The following PCCA variants were observed in gnomAD, a reference collection of about 807,000 sequenced individuals.
PCCA encodes the protein propionyl-CoA carboxylase subunit alpha.
PCCA carries 74 observed loss-of-function variants against 101.3 expected under a neutral mutation model. That is an observed-to-expected ratio of 0.73 (90% CI 0.61 to 0.89). The LOEUF (loss-of-function observed/expected upper bound fraction) is 0.89. PCCA is among the 40% of genes least tolerant of loss of function. The pLI is 0.00. For synonymous variants in PCCA, 294 were observed against 313.6 expected, an observed-to-expected ratio of 0.94 and a Z score of 0.66; for missense variants, 891 against 907.0, an observed-to-expected ratio of 0.98 and a Z score of 0.23.
intron 7 of PCCA, among the ~76,000 whole-genome samples, chr13:100,212,366 TA>T (rs2059268284): frequency 2.6e-5 from 4 of 152,236 alleles, no homozygotes; most frequent in Non-Finnish European, 5.9e-5. Context: ...GGACACATAG[TA>T]GACTATGTGA....
intron 6 of PCCA, among the ~76,000 whole-genome samples, chr13:100,191,985 A>G (rs1216514242): frequency 1.3e-5 from 2 of 152,208 alleles, no homozygotes; most frequent in Non-Finnish European, 2.9e-5. Flanking sequence ...TGAGAAAGAC[A>G]AATCTCAGGT....
At chr13:100,184,567 C>T (rs1187022796) in intron 6 of PCCA, among the ~76,000 whole-genome samples, 2 of 152,084 alleles carry the variant, frequency 1.3e-5, no homozygotes, top group African/African-American at 2.4e-5. Context: ...TGTAAAGGGC[C>T]AGATAATAAG....
intron 4 of PCCA, among the ~76,000 whole-genome samples, chr13:100,129,044 T>A (rs914157469): frequency 7.9e-5 from 12 of 152,196 alleles, no homozygotes; most frequent in Non-Finnish European, 1.5e-5. Flanking sequence ...TACCACTACC[T>A]CAAACCCAGC....
chr13:100,521,807 G>A (rs941666746), intron 22 of PCCA, among the ~76,000 whole-genome samples: 2 of 152,174 alleles, frequency 1.3e-5, no homozygotes, highest in Non-Finnish European at 1.5e-5. Flanking sequence ...CTTTTGTGGC[G>A]TAGACACCAG....
At chr13:100,134,338 T>C (rs532329236) in intron 4 of PCCA, among the ~76,000 whole-genome samples, 7 of 152,302 alleles carry the variant, frequency 4.6e-5, no homozygotes, top group Non-Finnish European at 4.4e-5. Context: ...TCTCCCCCCA[T>C]TTTTCCAAAA....
chr13:100,209,407 T>A lies in PCCA; in HGVS notation c.544T>A (p.Leu182Ile), dbSNP rs748307570. ...CATGGGCGACAAGATTGAAAGCAAA[T>A]TATTAGCTAAGAAAGCAGAGGTTAA... ...QAMGDKIESK[L>I]LAKKAEVNTI... Residue 182 changes from leucine (L) to isoleucine (I), a missense_variant, in exon 7 of 24, where the codon TTA becomes ATA. Coordinates refer to ENST00000376285, the MANE Select transcript of PCCA (RefSeq NM_000282.4). 3 of 1,613,342 alleles carry A rather than the reference T, an allele frequency of 1.9e-6. No individual in the cohort carries two copies. The highest frequency in any genetic ancestry group is 2.5e-6 in the Non-Finnish European group (3 of 1,179,350).
chr13:100,271,180 G>A (rs746764924), intron 11 of PCCA, among the ~76,000 whole-genome samples: 1 of 152,134 alleles, frequency 6.6e-6, no homozygotes, highest in Non-Finnish European at 1.5e-5. Context: ...AGATTCTCCA[G>A]ATGTTATGCT....
At chr13:100,147,840 G>A (rs1566577399) in intron 4 of PCCA, among the ~76,000 whole-genome samples, 3 of 152,056 alleles carry the variant, frequency 2.0e-5, no homozygotes, top group South Asian at 4.1e-4. Flanking sequence ...TGGCTTGTCC[G>A]TAATTGGCTG....
intron 19 of PCCA, among the ~76,000 whole-genome samples, chr13:100,417,943 C>T (rs931591058): frequency 1.3e-5 from 2 of 152,128 alleles, no homozygotes; most frequent in African/African-American, 4.8e-5. Context: ...ATCACATCAT[C>T]AGTCTTCACT....
At chr13:100,449,164 T>C (rs2081046119) in intron 20 of PCCA, 88 bp from the exon 21 acceptor site, 1 of 728,028 alleles carries the variant, frequency 1.4e-6, no homozygotes, top group Admixed American at 2.4e-5. Flanking sequence ...CATCAGTTGA[T>C]GGACATTTGG....
chr13:100,317,286 G>A (rs1248694532), intron 16 of PCCA, among the ~76,000 whole-genome samples: 1 of 151,926 alleles, frequency 6.6e-6, no homozygotes, highest in Non-Finnish European at 1.5e-5. Context: ...TGTAATATAT[G>A]AGCGATTTGC....
chr13:100,347,484 A>G (rs1033422055), intron 18 of PCCA, among the ~76,000 whole-genome samples: 4 of 152,294 alleles, frequency 2.6e-5, no homozygotes, highest in Admixed American at 6.5e-5. Flanking sequence ...TAATATTCCA[A>G]TGAATGCTTT....
At chr13:100,276,574 A>G (rs1010374310) in intron 12 of PCCA, among the ~76,000 whole-genome samples, 1 of 152,054 alleles carries the variant, frequency 6.6e-6, no homozygotes. Context: ...AGACCTCCTT[A>G]ATATATCTCT....
rs532324751 is a variant in PCCA at position 100,499,902 on chromosome 13, T to C, written c.1900-15525T>C. Among the ~76,000 whole-genome samples the C allele has an allele frequency of 8.4e-4, 119 of 141,732 alleles. 1 individual carries two copies. The South Asian group carries it at 0.03, about 36-fold the overall frequency. 93.0% of individuals were successfully genotyped at this position (141,732 alleles called of 152,430 possible). A position where few individuals can be genotyped will look rare whatever the true frequency, so the allele number is the denominator to read the frequency against. ...TTTTTTTGGAGGTGCTAGCATTTTA[T>C]TGGCCACAGTTTTGAAGGAAAATAC... On this transcript the variant is annotated intron_variant, in intron 21 of 23. Transcript: ENST00000376285.
At chr13:100,323,003 G>C (rs1049088628) in intron 16 of PCCA, among the ~76,000 whole-genome samples, 2 of 152,210 alleles carry the variant, frequency 1.3e-5, no homozygotes, top group Non-Finnish European at 2.9e-5. Flanking sequence ...TCTAATGGCT[G>C]CATGAGTAAT....
intron 14 of PCCA, among the ~76,000 whole-genome samples, chr13:100,304,622 CACTGTGGT>C (rs959206729): frequency 6.6e-6 from 1 of 152,060 alleles, no homozygotes; most frequent in Admixed American, 6.5e-5. Context: ...TCACAGAGTC[CACTGTGGT>C]ACTGAAGACA....
chr13:100,455,166 G>A (rs2081613888), intron 21 of PCCA, among the ~76,000 whole-genome samples: 1 of 152,134 alleles, frequency 6.6e-6, no homozygotes, highest in Non-Finnish European at 1.5e-5. Context: ...AATAAAGTGG[G>A]CAAAGGGTGG....
chr13:100,140,069 G>C (rs1343459706), intron 4 of PCCA, among the ~76,000 whole-genome samples: 1 of 152,066 alleles, frequency 6.6e-6, no homozygotes, highest in Non-Finnish European at 1.5e-5. Context: ...GCCCAACCTA[G>C]GGATGAGCTC....
chr13:100,494,870 C>T (rs951754737), intron 21 of PCCA, among the ~76,000 whole-genome samples: 2 of 152,086 alleles, frequency 1.3e-5, no homozygotes, highest in Non-Finnish European at 2.9e-5. Flanking sequence ...TCCTATACCC[C>T]TATTTGATTT....
Sources: gnomAD v4.1 joint callset for allele counts (sites outside exome capture counted in the v4.1 genomes callset) on GRCh38, gnomAD v4.1.1 for gene constraint, MANE v1.5 for transcripts, NCBI Gene and HGNC (gene_info 2026-07-23, HGNC 2026-07-21) for gene names.